The following EXOC4 variants were observed in gnomAD, a reference collection of about 807,000 sequenced individuals.
EXOC4 encodes the protein exocyst complex component 4, also known as SEC8-like 1.
In EXOC4, 71 loss-of-function variants were observed where a neutral mutation model predicts 107.2. The observed-to-expected ratio is 0.66, with a 90% confidence interval of 0.55 to 0.81. The LOEUF is 0.81. Ranked by LOEUF, EXOC4 falls within the 30% of genes least tolerant of loss-of-function variation. The pLI is 0.00. For synonymous variants in EXOC4, 456 were observed against 441.2 expected (o/e 1.03, Z -0.42); for missense variants, 1,108 against 1,189.6 (o/e 0.93, Z 1.01).
At chr7:133,523,336 T>C (rs1246567800) in intron 9 of EXOC4, among the ~76,000 whole-genome samples, 7 of 152,170 alleles carry the variant, frequency 4.6e-5, no homozygotes, top group Admixed American at 3.3e-4. Flanking sequence ...CCATGTAACA[T>C]TGAAGTCATA....
chr7:133,826,761 T>C (rs1300449443), intron 11 of EXOC4, among the ~76,000 whole-genome samples: 3 of 152,196 alleles, frequency 2.0e-5, no homozygotes, highest in African/African-American at 7.2e-5. Context: ...GTTTCATATA[T>C]GATTAGACAA....
intron 11 of EXOC4, among the ~76,000 whole-genome samples, chr7:133,832,219 C>T (rs973362448): frequency 3.9e-5 from 6 of 152,100 alleles, no homozygotes; most frequent in African/African-American, 1.4e-4. Flanking sequence ...CTCCCTACAC[C>T]CTTCAAAGAC....
intron 1 of EXOC4, among the ~76,000 whole-genome samples, chr7:133,260,772 C>T (rs892201813): frequency 3.3e-5 from 5 of 151,942 alleles, no homozygotes; most frequent in Non-Finnish European, 5.9e-5. Flanking sequence ...CCATTTAATT[C>T]TTCAATTGAT....
downstream of EXOC4, among the ~76,000 whole-genome samples, chr7:134,067,628 TATATATATATACACACACAC>T (rs1039989889): frequency 4.6e-5 from 2 of 43,094 alleles, no homozygotes; most frequent in African/African-American, 1.2e-4. Context: ...CCAACTCTTA[TATATATATATACACACACAC>T]ACACACACAC....
chr7:133,461,506 A>G (rs1267611607), intron 7 of EXOC4, among the ~76,000 whole-genome samples: 2 of 152,248 alleles, frequency 1.3e-5, no homozygotes, highest in Admixed American at 1.3e-4. Context: ...ACAATATAAA[A>G]TCATCTTTAG....
At chr7:133,372,138 CA>C (rs1453915345) in intron 6 of EXOC4, among the ~76,000 whole-genome samples, 1 of 152,128 alleles carries the variant, frequency 6.6e-6, no homozygotes, top group Non-Finnish European at 1.5e-5. Context: ...TAATGATTTA[CA>C]AATATTTTCT....
At chr7:133,441,600 C>T (rs968163562) in intron 7 of EXOC4, among the ~76,000 whole-genome samples, 2 of 152,042 alleles carry the variant, frequency 1.3e-5, no homozygotes, top group African/African-American at 4.8e-5. Flanking sequence ...CACCATGTGG[C>T]CAGGCTGGTC....
intron 10 of EXOC4, among the ~76,000 whole-genome samples, chr7:133,730,317 A>T (rs1318268989): frequency 1.3e-5 from 2 of 151,678 alleles, no homozygotes; most frequent in Non-Finnish European, 2.9e-5. Flanking sequence ...CTCTACCTGG[A>T]CAGGGACCTT....
chr7:133,612,898 G>C (rs1041235852), intron 9 of EXOC4, among the ~76,000 whole-genome samples: 1 of 152,174 alleles, frequency 6.6e-6, no homozygotes, highest in Admixed American at 6.5e-5. Context: ...ACCTTGTACT[G>C]TACCTGTACA....
intron 13 of EXOC4, among the ~76,000 whole-genome samples, chr7:133,927,002 A>T (rs1800066603): frequency 6.6e-6 from 1 of 152,190 alleles, no homozygotes; most frequent in African/African-American, 2.4e-5. Context: ...AAAAGCAGAA[A>T]GCAGGTTTGC....
intron 11 of EXOC4, among the ~76,000 whole-genome samples, chr7:133,825,625 T>A (rs1797684087): frequency 6.6e-6 from 1 of 152,206 alleles, no homozygotes; most frequent in Non-Finnish European, 1.5e-5. Context: ...CGAGGAAGTG[T>A]GGCCAGCAGC....
intron 10 of EXOC4, among the ~76,000 whole-genome samples, chr7:133,702,183 A>C (rs1794674281): frequency 6.6e-6 from 1 of 150,658 alleles, no homozygotes; most frequent in African/African-American, 2.4e-5. Flanking sequence ...TAAATACTTA[A>C]TAGCAAAATA....
rs369022926 is a variant in EXOC4, at chr7:133,724,570, C to T, written c.1515-92755C>T. On this transcript the variant is annotated intron_variant, in intron 10 of 17. Coordinates refer to ENST00000253861, the MANE Select transcript of EXOC4 (RefSeq NM_021807.4). ...AGAAAAAAATTTTGTTCTTTTGGAA[C>T]TTGCAGGGAAATACAGATATTAATA... Among the ~76,000 whole-genome samples the T allele has an allele frequency of 1.2e-4, 19 of 152,118 alleles. No individual in the cohort carries two copies. In the East Asian group the frequency reaches 3.1e-3, roughly 25 times the overall value.
chr7:134,077,273 GA>G, the EXOC4 span, among the ~76,000 whole-genome samples: 1 of 152,122 alleles, frequency 6.6e-6, no homozygotes, highest in Admixed American at 6.5e-5. Flanking sequence ...CCAACTCAAA[GA>G]AAGAAGGAAA....
chr7:133,529,627 G>A (rs1442078351), intron 9 of EXOC4, among the ~76,000 whole-genome samples: 2 of 152,008 alleles, frequency 1.3e-5, no homozygotes, highest in Non-Finnish European at 2.9e-5. Flanking sequence ...TTGTCTTTCT[G>A]GCTCCGTCAT....
the EXOC4 span, among the ~76,000 whole-genome samples, chr7:134,097,740 C>G: frequency 6.6e-6 from 1 of 152,070 alleles, no homozygotes; most frequent in Admixed American, 6.6e-5. Context: ...TCCATAAGAC[C>G]CTTCTCCTCA....
At chr7:133,591,315 A>G (rs1801536888) in intron 9 of EXOC4, among the ~76,000 whole-genome samples, 1 of 152,084 alleles carries the variant, frequency 6.6e-6, no homozygotes, top group Admixed American at 6.5e-5. Context: ...TTACAGGGTG[A>G]GCCTTGGCAC....
At chr7:133,298,239 T>C (rs954054611) in intron 3 of EXOC4, among the ~76,000 whole-genome samples, 2 of 152,186 alleles carry the variant, frequency 1.3e-5, no homozygotes, top group Admixed American at 1.3e-4. Context: ...TGTGGGATTT[T>C]AATAGTTCAC....
intron 10 of EXOC4, among the ~76,000 whole-genome samples, chr7:133,745,419 A>G (rs561801130): frequency 3.3e-5 from 5 of 152,268 alleles, no homozygotes; most frequent in South Asian, 2.1e-4. Context: ...AGAAGTATCT[A>G]TCTTCTAGCA....
Sources: allele counts gnomAD v4.1 joint callset (sites outside exome capture counted in the v4.1 genomes callset), GRCh38; gene constraint gnomAD v4.1.1; transcripts MANE v1.5; gene names NCBI Gene and HGNC (gene_info 2026-07-23, HGNC 2026-07-21).